Variants in DYNLRB1 observed in about 807,000 individuals in gnomAD.
DYNLRB1 encodes dynein light chain roadblock-type 1, also known as ROBL/LC7-like 1.
Under a neutral mutation model 13.5 loss-of-function variants are expected in DYNLRB1, and 6 were observed. That is an observed-to-expected ratio of 0.44 (90% CI 0.24 to 0.88). The LOEUF (loss-of-function observed/expected upper bound fraction) is 0.88, where lower values mean the gene tolerates loss of function less well. Ranked by LOEUF, DYNLRB1 falls within the 40% of genes least tolerant of loss-of-function variation. DYNLRB1 has a pLI of 0.21. For synonymous variants in DYNLRB1, 43 were observed against 45.0 expected, an observed-to-expected ratio of 0.96 and a Z score of 0.18; for missense variants, 93 against 127.2, an observed-to-expected ratio of 0.73 and a Z score of 1.29.
chr20:34,536,677 G>C (rs568135562), intron 3 of DYNLRB1, among the ~76,000 whole-genome samples: 1 of 151,500 alleles, frequency 6.6e-6, no homozygotes, highest in East Asian at 2.0e-4. Context: ...CCCAGGAGGC[G>C]GAGCTTGCAG....
chr20:34,523,292 C>T (rs1042145163), intron 1 of DYNLRB1, among the ~76,000 whole-genome samples: 7 of 152,202 alleles, frequency 4.6e-5, no homozygotes, highest in Non-Finnish European at 8.8e-5. Flanking sequence ...GCTGTCCCTT[C>T]TCCCCACAGC....
At chr20:34,530,135 A>C (rs759680064) in intron 2 of DYNLRB1, 1 of 1,225,096 alleles carries the variant, frequency 8.2e-7, no homozygotes, top group Non-Finnish European at 1.0e-6. Flanking sequence ...AGGCTTCCAC[A>C]TGAACTCACA....
At chr20:34,530,376 C>T in intron 2 of DYNLRB1, 1 of 771,104 alleles carries the variant, frequency 1.3e-6, no homozygotes, top group Non-Finnish European at 1.6e-6. Context: ...GCCACTTTCT[C>T]TGTTAAGTTT....
chr20:34,518,986 G>C (rs936798857), intron 1 of DYNLRB1, among the ~76,000 whole-genome samples: 1 of 151,762 alleles, frequency 6.6e-6, no homozygotes, highest in Non-Finnish European at 1.5e-5. Flanking sequence ...TCTGCCTCCC[G>C]GGTTCGAGTG....
chr20:34,518,149 G>A (rs181679505), intron 1 of DYNLRB1, among the ~76,000 whole-genome samples: 1 of 150,492 alleles, frequency 6.6e-6, no homozygotes, highest in East Asian at 1.9e-4. Flanking sequence ...TTGTTTTTTC[G>A]ATGCCTTTGT....
At chr20:34,527,193 G>A (rs951038240) in intron 2 of DYNLRB1, among the ~76,000 whole-genome samples, 6 of 152,166 alleles carry the variant, frequency 3.9e-5, no homozygotes, top group African/African-American at 1.4e-4. Flanking sequence ...AGTGCGCTTG[G>A]GTGCTTTCTC....
chr20:34,528,338 A>AAAAAAAC (rs1568600874), intron 2 of DYNLRB1, among the ~76,000 whole-genome samples: 1 of 38,602 alleles, frequency 2.6e-5, no homozygotes, highest in African/African-American at 1.0e-4. Context: ...AAAAAAAAAA[A>AAAAAAAC]AAAAAACTAC....
At chr20:34,535,301 A>G in intron 3 of DYNLRB1, 2 of 985,322 alleles carry the variant, frequency 2.0e-6, no homozygotes, top group Non-Finnish European at 2.4e-6. Flanking sequence ...TTCTCTGCCC[A>G]CTTGTAAAGG....
At chr20:34,534,039 A>G (rs988554225) in intron 2 of DYNLRB1, among the ~76,000 whole-genome samples, 5 of 149,748 alleles carry the variant, frequency 3.3e-5, no homozygotes, top group African/African-American at 1.2e-4. Context: ...TACTTGGGAA[A>G]CTGAGGCAGG....
intron 1 of DYNLRB1, among the ~76,000 whole-genome samples, chr20:34,523,419 G>A (rs1032089184): frequency 3.3e-5 from 5 of 152,154 alleles, no homozygotes; most frequent in Non-Finnish European, 5.9e-5. Flanking sequence ...CTGCCAGGCC[G>A]TCTGTGGTCT....
intron 3 of DYNLRB1, among the ~76,000 whole-genome samples, chr20:34,538,632 A>G (rs1981355587): frequency 6.6e-6 from 1 of 152,148 alleles, no homozygotes; most frequent in African/African-American, 2.4e-5. Flanking sequence ...GCCTATTTTT[A>G]TCAGTGGCTT....
intron 2 of DYNLRB1, among the ~76,000 whole-genome samples, chr20:34,534,085 G>A (rs1408277886): frequency 1.3e-5 from 2 of 151,996 alleles, no homozygotes; most frequent in Non-Finnish European, 2.9e-5. Flanking sequence ...AGGTTGCAGT[G>A]AGCCACTGCA....
intron 3 of DYNLRB1, among the ~76,000 whole-genome samples, chr20:34,539,521 CT>C (rs372506545): frequency 5.4e-5 from 8 of 148,244 alleles, no homozygotes; most frequent in Non-Finnish European, 7.5e-5. Flanking sequence ...CTGTACAAAA[CT>C]TTTTTTTTTT....
At chr20:34,537,251 G>C (rs1215929364) in intron 3 of DYNLRB1, among the ~76,000 whole-genome samples, 1 of 152,148 alleles carries the variant, frequency 6.6e-6, no homozygotes, top group South Asian at 2.1e-4. Context: ...GCTGGAGGAC[G>C]GTGGCGCGCT....
intron 2 of DYNLRB1, 66 bp from the exon 3 acceptor site, chr20:34,534,562 G>T: frequency 6.6e-7 from 1 of 1,505,846 alleles, no homozygotes; most frequent in Non-Finnish European, 8.9e-7. Flanking sequence ...CCCAATTAGG[G>T]GTGTGGGTGG....
chr20:34,537,017 T>A (rs1454501170), intron 3 of DYNLRB1, among the ~76,000 whole-genome samples: 1 of 152,154 alleles, frequency 6.6e-6, no homozygotes, highest in African/African-American at 2.4e-5. Flanking sequence ...AATTTGGCCC[T>A]GAAGACCCAC....
intron 1 of DYNLRB1, chr20:34,516,833 T>A: frequency 6.5e-7 from 1 of 1,547,932 alleles, no homozygotes; most frequent in African/African-American, 1.4e-5. Flanking sequence ...TGCCAAGCAC[T>A]TTATGTATCT....
intron 1 of DYNLRB1, among the ~76,000 whole-genome samples, chr20:34,522,874 T>C (rs567164295): frequency 1.8e-3 from 271 of 152,334 alleles, no homozygotes; most frequent in African/African-American, 6.1e-3. Context: ...TGTGAGGCCA[T>C]GTCCCCCTCC....
At chr20:34,522,953 T>G (rs1262283646) in intron 1 of DYNLRB1, among the ~76,000 whole-genome samples, 2 of 152,206 alleles carry the variant, frequency 1.3e-5, no homozygotes, top group Non-Finnish European at 2.9e-5. Flanking sequence ...CTTCAGTATT[T>G]ATTGAGCCTA....
Sources: gnomAD v4.1 joint callset for allele counts (sites outside exome capture counted in the v4.1 genomes callset) on GRCh38, gnomAD v4.1.1 for gene constraint, MANE v1.5 for transcripts, NCBI Gene and HGNC (gene_info 2026-07-23, HGNC 2026-07-21) for gene names.